The following FCSK variants were observed in gnomAD, a reference collection of about 807,000 sequenced individuals.
FCSK encodes L-fucose kinase.
In FCSK, 123 loss-of-function variants were observed where a neutral mutation model predicts 122.5. The observed-to-expected ratio is 1.00, with a 90% confidence interval of 0.87 to 1.17. FCSK has a LOEUF of 1.17. Among genes scored for constraint, FCSK ranks in the 50% most tolerant of loss-of-function variants. The probability of loss-of-function intolerance (pLI) is 0.00; values close to 1 mark genes in which losing one functional copy is unlikely to be tolerated. For missense variants in FCSK, 1,366 were observed against 1,450.4 expected, an observed-to-expected ratio of 0.94 and a Z score of 0.95; for synonymous variants, 620 against 625.5, an observed-to-expected ratio of 0.99 and a Z score of 0.13.
chr16:70,461,795 C>T (rs1014330099), intron 1 of FCSK, among the ~76,000 whole-genome samples: 3 of 152,234 alleles, frequency 2.0e-5, no homozygotes, highest in Non-Finnish European at 4.4e-5. Context: ...TGGGCACACT[C>T]CCTGGGGAAA....
At chr16:70,464,937 C>G in intron 3 of FCSK, 189 bp from the exon 4 acceptor site, 1 of 1,283,352 alleles carries the variant, frequency 7.8e-7, no homozygotes, top group South Asian at 1.5e-5. Flanking sequence ...GGTGGAGGGC[C>G]CTGGGATCCC....
rs2151722134 is a variant in FCSK, at chr16:70,472,619, C to T, written c.1406+14C>T. 6.2e-7 allele frequency: 1 copy of T among 1,606,160 alleles called. No individual in the cohort carries two copies. The highest frequency in any genetic ancestry group is 1.3e-5 in the African/African-American group (1 of 74,796). On this transcript the variant is annotated intron_variant, in intron 14 of 23. Transcript: ENST00000288078. ...GACAGGTGTTCGGTAAGGTGGACAC[C>T]CCTAGGGCCTCTGTGGGCCTGGGCA...
intron 11 of FCSK, 75 bp from the exon 12 acceptor site, chr16:70,470,896 T>G (rs2048591256): frequency 3.0e-6 from 4 of 1,346,214 alleles, no homozygotes; most frequent in Middle Eastern, 2.5e-4. Context: ...TGCCCCTGGA[T>G]GCTTGGCTTG....
intron 8 of FCSK, among the ~76,000 whole-genome samples, chr16:70,468,546 G>A (rs142042217): frequency 1.8e-4 from 27 of 152,294 alleles, no homozygotes; most frequent in Admixed American, 1.3e-3. Context: ...GCCAGACTCC[G>A]GGAATGCTTC....
intron 1 of FCSK, among the ~76,000 whole-genome samples, chr16:70,460,881 C>T (rs1019561907): frequency 1.3e-5 from 2 of 152,204 alleles, no homozygotes; most frequent in African/African-American, 4.8e-5. Flanking sequence ...GTTAGTTACA[C>T]TCCCTGCTGC....
intron 11 of FCSK, 111 bp downstream of exon 11, chr16:70,470,537 G>A (rs939185428): frequency 2.9e-6 from 2 of 695,740 alleles, no homozygotes; most frequent in Non-Finnish European, 5.0e-6. Context: ...GAGTGCAGGT[G>A]TTACCCTGGT....
chr16:70,463,194 G>A lies in FCSK; in HGVS notation c.4G>A (p.Glu2Lys), dbSNP rs1040737872. 7 of 1,613,820 alleles carry A rather than the reference G, an allele frequency of 4.3e-6. No homozygotes were observed. The highest frequency in any genetic ancestry group is 4.0e-5 in the African/African-American group (3 of 74,896). Reference protein sequence around the residue: MEQPKGVDWTVI... With the variant: MKQPKGVDWTVI... ...GAAGCCCCTCCGCTTGGCCAGAATG[G>A]AGCAGCCGAAGGGAGTTGATTGGAC... The change falls in exon 2 of 24, where the codon GAG becomes AAG. Residue 2 changes from glutamate to lysine, a missense_variant. By Grantham distance (56) the Glu-to-Lys change is moderately conservative (BLOSUM62 1). Coordinates refer to ENST00000288078, the MANE Select transcript of FCSK (RefSeq NM_145059.3).
chr16:70,467,355 T>G lies in FCSK; in HGVS notation c.485-19T>G. 1 of 1,585,090 alleles carries G rather than the reference T, an allele frequency of 6.3e-7. No homozygotes were observed. Among genetic ancestry groups the G allele is most frequent in the South Asian group, 1.1e-5 (1 of 87,616 alleles). ...TGGGTGGAGGCCCCTGGGAGCCTCC[T>G]GACTGCCCCACCCCACAGGTATCAG... On this transcript the variant is annotated intron_variant, in intron 6 of 23. Transcript: ENST00000288078.
intron 1 of FCSK, among the ~76,000 whole-genome samples, chr16:70,458,702 C>T (rs1360570989): frequency 6.6e-6 from 1 of 152,098 alleles, no homozygotes; most frequent in Admixed American, 6.6e-5. Flanking sequence ...CCTGCCTTGG[C>T]CTTCCAAAGT....
At chr16:70,461,813 C>T (rs1013640490) in intron 1 of FCSK, among the ~76,000 whole-genome samples, 2 of 152,226 alleles carry the variant, frequency 1.3e-5, no homozygotes, top group African/African-American at 4.8e-5. Context: ...AAATCACACC[C>T]ATCCACATTT....
chr16:70,467,489 A>G lies in FCSK; in HGVS notation c.582+18A>G. ...ACCCCCAGGTAGTGCCCCTGGGGAC[A>G]GTGGAGCCGGCTGGGGCAGCCTTCC... On this transcript the variant is annotated intron_variant, in intron 7 of 23. Transcript: ENST00000288078. The G allele has an allele frequency of 6.4e-7, 1 of 1,561,864 alleles. No homozygotes were observed. Among genetic ancestry groups the G allele is most frequent in the South Asian group, 1.2e-5 (1 of 85,466 alleles).
chr16:70,478,787 T>C, intron 22 of FCSK, 137 bp downstream of exon 22: 1 of 764,508 alleles, frequency 1.3e-6, no homozygotes, highest in Non-Finnish European at 2.3e-6. Flanking sequence ...CTACTGTCTG[T>C]CCTCTCCAGG....
chr16:70,469,844 GCTTT>G (rs997690848), intron 10 of FCSK, among the ~76,000 whole-genome samples: 3 of 143,034 alleles, frequency 2.1e-5, no homozygotes, highest in South Asian at 2.2e-4. Context: ...TAACCTGTCT[GCTTT>G]CTTTTTTTTT....
chr16:70,470,060 G>T (rs1466079417), intron 10 of FCSK, among the ~76,000 whole-genome samples: 2 of 151,192 alleles, frequency 1.3e-5, no homozygotes, highest in Non-Finnish European at 2.9e-5. Context: ...GGTCAGGCTG[G>T]TCTCGAACTC....
At chr16:70,461,338 C>T (rs749446894) in intron 1 of FCSK, among the ~76,000 whole-genome samples, 4 of 151,722 alleles carry the variant, frequency 2.6e-5, no homozygotes, top group Non-Finnish European at 5.9e-5. Flanking sequence ...CTTTGTGGGA[C>T]AGCAGTGGGA....
intron 1 of FCSK, among the ~76,000 whole-genome samples, chr16:70,460,051 T>G (rs1422031417): frequency 6.6e-6 from 1 of 151,372 alleles, no homozygotes; most frequent in African/African-American, 2.4e-5. Flanking sequence ...GTCCTGCCCC[T>G]GTCTCCCAAA....
Position 70,467,413 on chromosome 16 carries a change from C to T in FCSK, c.524C>T (p.Ala175Val), listed in dbSNP as rs1451025311. 3 of 1,611,008 alleles carry T rather than the reference C, an allele frequency of 1.9e-6. No homozygotes were observed. The highest frequency in any genetic ancestry group is 2.5e-6 in the Non-Finnish European group (3 of 1,179,008). The change falls in exon 7 of 24, where the codon GCC becomes GTC. Residue 175 changes from alanine (A) to valine (V), a missense_variant. Physicochemically the swap from Ala to Val is moderately conservative, Grantham distance 64. Transcript: ENST00000288078. ...WDSFRGARVI[A>V]LPGSPAYAQN... ...AGCTTCCGGGGAGCCAGAGTGATCGCCCTCCCAGGGAGCCCGGCCTACGCT... is the reference window on the plus strand; with the variant it reads ...AGCTTCCGGGGAGCCAGAGTGATCGTCCTCCCAGGGAGCCCGGCCTACGCT...
At chr16:70,464,213 G>A (rs927133596) in intron 3 of FCSK, among the ~76,000 whole-genome samples, 8 of 152,154 alleles carry the variant, frequency 5.3e-5, no homozygotes, top group African/African-American at 1.7e-4. Context: ...TGTGTGCAGA[G>A]TGAGGGCGAG....
Position 70,475,814 on chromosome 16 carries a change from A to G in FCSK, c.2641+47A>G, listed in dbSNP as rs1226196129. The G allele has an allele frequency of 5.3e-6, 8 of 1,505,456 alleles. No homozygotes were observed. The African/African-American group carries it at 5.5e-5, about 10-fold the overall frequency. The allele number at this position is 1,505,456 out of a possible 1,614,324, so 93.3% of individuals were successfully genotyped here. On this transcript the variant is annotated intron_variant, in intron 20 of 23. Transcript: ENST00000288078. ...GGAGGAGGTCACTGACACTTTCCCA[A>G]GGGCCCGCGGGGGGAGTGGGGCTCC...
Sources: gnomAD v4.1 joint callset for allele counts (sites outside exome capture counted in the v4.1 genomes callset) on GRCh38, gnomAD v4.1.1 for gene constraint, MANE v1.5 for transcripts, NCBI Gene and HGNC (gene_info 2026-07-23, HGNC 2026-07-21) for gene names.